The following TRIOBP variants were observed in gnomAD, a reference collection of about 807,000 sequenced individuals.
TRIOBP encodes TRIO and F-actin-binding protein.
Under a neutral mutation model 238.8 loss-of-function variants are expected in TRIOBP, and 169 were observed. That is an observed-to-expected ratio of 0.71 (90% CI 0.62 to 0.80). The LOEUF (loss-of-function observed/expected upper bound fraction) is 0.80. TRIOBP is among the 30% of genes least tolerant of loss of function. TRIOBP has a pLI of 0.00. For missense variants in TRIOBP, 2,838 were observed against 3,122.6 expected (o/e 0.91, Z 2.17); for synonymous variants, 1,150 against 1,274.4 (o/e 0.90, Z 2.08).
In TRIOBP at chr22:37,758,150, G is replaced by A. The variant is rs1179874141; in HGVS notation, c.6213+12G>A. The A allele has an allele frequency of 1.2e-6, 2 of 1,610,558 alleles. No individual in the cohort carries two copies. The highest frequency in any genetic ancestry group is 1.7e-5 in the Admixed American group (1 of 60,002). ...CACTGGAGAAGGAGGTAGGCACCAC[G>A]GCTGGCTCTCTAGGAGGCCCCTTGC... is the stretch of plus-strand genomic sequence containing the variant. On this transcript the variant is annotated intron_variant, in intron 16 of 23. Transcript: ENST00000644935.
chr22:37,698,502 C>T lies in TRIOBP; in HGVS notation c.-61+806C>T, dbSNP rs542066968. Among the ~76,000 whole-genome samples the T allele has an allele frequency of 3.3e-4, 50 of 151,080 alleles. 1 individual carries two copies. The highest frequency in any genetic ancestry group is 1.1e-3 in the African/African-American group (46 of 41,252). ...TTGAGTAGCTGGGATTACAGGCATGCGCACCACGCCCAGCTAATTTTTATA... is the reference window on the plus strand; with the variant it reads ...TTGAGTAGCTGGGATTACAGGCATGTGCACCACGCCCAGCTAATTTTTATA... On this transcript the variant is annotated intron_variant, in intron 2 of 23. Coordinates refer to ENST00000644935, the MANE Select transcript of TRIOBP (RefSeq NM_001039141.3).
At chr22:37,698,272 C>T (rs1012788224) in intron 2 of TRIOBP, among the ~76,000 whole-genome samples, 2 of 149,616 alleles carry the variant, frequency 1.3e-5, no homozygotes, top group Admixed American at 1.3e-4. Flanking sequence ...CCTGTAATCC[C>T]AGCACTTTGA....
Position 37,723,687 on chromosome 22 carries a change from C to G in TRIOBP, c.1131C>G (p.Asn377Lys), listed in dbSNP as rs767007563. ...CTACTTGTACTCCCCAGCGGGAAAA[C>G]CCCAGGACACCCTGTGTCCAGCAGG... ...SFPTCTPQRE[N>K]PRTPCVQQDD... The change falls in exon 7 of 24, where the codon AAC (asparagine) becomes AAG (lysine). Residue 377 changes from asparagine to lysine, a missense_variant. Coordinates refer to ENST00000644935, the MANE Select transcript of TRIOBP (RefSeq NM_001039141.3). 3.7e-5 allele frequency: 59 copies of G among 1,613,928 alleles called. No individual in the cohort carries two copies. Among genetic ancestry groups the G allele is most frequent in the Non-Finnish European group, 4.5e-5 (53 of 1,179,978 alleles).
intron 3 of TRIOBP, among the ~76,000 whole-genome samples, chr22:37,702,595 A>AATACACCAGC (rs1922710677): frequency 6.6e-6 from 1 of 151,110 alleles, no homozygotes. Flanking sequence ...AGATGTTAAG[A>AATACACCAGC]ATACACCAGC....
At position 37,724,668 on chromosome 22, in the gene TRIOBP, C is replaced by T. The variant is rs533171349; in HGVS notation, c.2112C>T (p.Asp704=). ...ENPRTSCAQR[D]DPRASSPNRT... is the part of the protein sequence containing the mutation. ...CCAGAACATCCTGTGCCCAACGGGACGATCCCAGAGCCTCCTCTCCTAACA... is the reference window on the plus strand; with the variant it reads ...CCAGAACATCCTGTGCCCAACGGGATGATCCCAGAGCCTCCTCTCCTAACA... Residue 704 remains aspartate, a synonymous_variant, in exon 7 of 24, where the codon GAC becomes GAT. Transcript: ENST00000644935. 55 of 1,610,572 alleles carry T rather than the reference C, an allele frequency of 3.4e-5. No individual in the cohort carries two copies. Among genetic ancestry groups the T allele is most frequent in the Middle Eastern group, 1.7e-4 (1 of 6,056 alleles).
At chr22:37,772,255 C>T (rs995692994) in intron 22 of TRIOBP, among the ~76,000 whole-genome samples, 1 of 152,186 alleles carries the variant, frequency 6.6e-6, no homozygotes, top group Non-Finnish European at 1.5e-5. Flanking sequence ...GTGAGCCAGA[C>T]CGTGTTTACC....
intron 21 of TRIOBP, among the ~76,000 whole-genome samples, chr22:37,770,708 G>A (rs1191636332): frequency 4.1e-5 from 6 of 147,768 alleles, no homozygotes; most frequent in East Asian, 2.0e-4. Context: ...TTTTTGAGAC[G>A]GAGTCACTCT....
At chr22:37,720,242 C>T (rs1923757969) in intron 6 of TRIOBP, among the ~76,000 whole-genome samples, 2 of 152,078 alleles carry the variant, frequency 1.3e-5, no homozygotes, top group Admixed American at 1.3e-4. Flanking sequence ...CTCCCGACCT[C>T]AGGTGATCCG....
Position 37,759,268 on chromosome 22 carries a change from A to C in TRIOBP, c.6324+4A>C. On this transcript the variant is annotated splice_donor_region_variant and intron_variant, in intron 17 of 23. Transcript: ENST00000644935. ...CCCCCCGGGCTACATCTCACAGGTA[A>C]GGCCGGGGGGCTGTTTTTCAGGGGG... 1 of 1,612,094 alleles carries C rather than the reference A, an allele frequency of 6.2e-7. No individual in the cohort carries two copies.
intron 8 of TRIOBP, 68 bp from the exon 9 acceptor site, chr22:37,734,331 A>C: frequency 6.9e-7 from 1 of 1,445,392 alleles, no homozygotes; most frequent in Non-Finnish European, 9.6e-7. Flanking sequence ...TGGGGGCCTA[A>C]GAAAGGCAGA....
At chr22:37,719,989 C>CACACTGCACTCACGGTTTCACTCCT (rs367687004) in intron 6 of TRIOBP, among the ~76,000 whole-genome samples, 1 of 71,208 alleles carries the variant, frequency 1.4e-5, no homozygotes, top group Non-Finnish European at 2.5e-5. Flanking sequence ...TTTCACTCAT[C>CACACTGCACTCACGGTTTCACTCCT]CCCCCCCGCC....
Position 37,769,164 on chromosome 22 carries a change from C to T in TRIOBP, c.6712C>T (p.Gln2238Ter). 1 of 1,610,492 alleles carries T rather than the reference C, an allele frequency of 6.2e-7. No homozygotes were observed. Among genetic ancestry groups the T allele is most frequent in the Non-Finnish European group, 8.5e-7 (1 of 1,178,824 alleles). The change falls in exon 20 of 24, where the codon CAG becomes TAG. Residue 2238 changes from glutamine (Q) to a stop codon, truncating the protein, a stop_gained. Transcript: ENST00000644935. LOFTEE classifies it high-confidence loss of function. ...HTLRRCQQEG[Q>*]ELLRHNQELH... ...GCTGCGCCGCTGCCAGCAGGAGGGC[C>T]AGGAGCTGCTGCGCCACAACCAGGT...
chr22:37,737,038 A>G lies in TRIOBP; in HGVS notation c.5106+1596A>G, dbSNP rs551542554. Among the ~76,000 whole-genome samples the G allele has an allele frequency of 1.2e-4, 18 of 152,178 alleles. No individual in the cohort carries two copies. The South Asian group carries it at 3.7e-3, about 32-fold the overall frequency. On this transcript the variant is annotated intron_variant, in intron 9 of 23. Transcript: ENST00000644935. ...CTTTGATGAGTTGACCCTCCAATCA[A>G]CTCAATGCGTGGACATCAGAGAAGC... is the stretch of plus-strand genomic sequence containing the variant.
chr22:37,710,571 G>C lies in TRIOBP; in HGVS notation c.254+5G>C. The C allele has an allele frequency of 1.9e-6, 3 of 1,608,970 alleles. No individual in the cohort carries two copies. The highest frequency in any genetic ancestry group is 2.5e-6 in the Non-Finnish European group (3 of 1,179,376). On this transcript the variant is annotated splice_donor_5th_base_variant and intron_variant, in intron 4 of 23. Coordinates refer to ENST00000644935, the MANE Select transcript of TRIOBP (RefSeq NM_001039141.3). The stretch of plus-strand genomic sequence containing the variant: ...CCTCAGGCCAGGGCCCAAGAGGTGG[G>C]TAGAGTCCCAGGGCCCAGGAAGGGC...
rs770881686 is a variant in TRIOBP at position 37,746,273 on chromosome 22, A to G, written c.5322+5241A>G. The G allele has an allele frequency of 4.3e-4, 459 of 1,072,548 alleles. No homozygotes were observed. The highest frequency in any genetic ancestry group is 4.6e-4 in the Non-Finnish European group (408 of 890,906). The allele number at this position is 1,072,548 out of a possible 1,614,324, so 66.4% of individuals were successfully genotyped here. ...GGAAGGGGCCGGGGCAGCGTCGGGGAAAGGAAGGGCCGGAGGCGCGGCGGC... is the reference window on the plus strand; with the variant it reads ...GGAAGGGGCCGGGGCAGCGTCGGGGGAAGGAAGGGCCGGAGGCGCGGCGGC... On this transcript the variant is annotated intron_variant, in intron 11 of 23. Coordinates refer to ENST00000644935, the MANE Select transcript of TRIOBP (RefSeq NM_001039141.3).
At chr22:37,733,484 C>A in intron 8 of TRIOBP, 72 bp downstream of exon 8, 1 of 1,208,484 alleles carries the variant, frequency 8.3e-7, no homozygotes, top group Non-Finnish European at 1.2e-6. Flanking sequence ...CCGCTAGAAG[C>A]CAGGCAGGGG....
chr22:37,747,708 C>T (rs1182336937), intron 11 of TRIOBP, among the ~76,000 whole-genome samples: 1 of 152,206 alleles, frequency 6.6e-6, no homozygotes, highest in Admixed American at 6.5e-5. Context: ...GGCCCTCAGC[C>T]GGGTGCTTTC....
At chr22:37,701,198 T>TAG (rs1555893599) in intron 2 of TRIOBP, 108 bp from the exon 3 acceptor site, 9 of 626,378 alleles carry the variant, frequency 1.4e-5, no homozygotes. Flanking sequence ...AATGGATGAG[T>TAG]AACCTTATTT....
intron 11 of TRIOBP, chr22:37,751,527 C>T: frequency 1.8e-6 from 1 of 564,890 alleles, no homozygotes; most frequent in African/African-American, 1.9e-5. Flanking sequence ...GTGTGTGTGC[C>T]AGCCACCCAG....
Sources: allele counts gnomAD v4.1 joint callset (sites outside exome capture counted in the v4.1 genomes callset), GRCh38; gene constraint gnomAD v4.1.1; transcripts MANE v1.5; gene names NCBI Gene and HGNC (gene_info 2026-07-23, HGNC 2026-07-21).